AKT1: variants seen among roughly 807,000 people sequenced by gnomAD.
AKT1 encodes AKT serine/threonine kinase 1.
AKT1 carries 21 observed loss-of-function variants against 63.1 expected under a neutral mutation model. That is an observed-to-expected ratio of 0.33 (90% confidence interval 0.24 to 0.48). The LOEUF is 0.48. Ranked by LOEUF, AKT1 falls within the 20% of genes least tolerant of loss-of-function variation. AKT1 has a pLI of 0.99. For missense variants in AKT1, 382 were observed against 666.0 expected, an observed-to-expected ratio of 0.57 and a Z score of 4.69; for synonymous variants, 257 against 253.1, an observed-to-expected ratio of 1.02 and a Z score of -0.15.
In AKT1 at chr14:104,773,041, C is replaced by T. The variant is rs1247419183; in HGVS notation, c.1009G>A (p.Val337Met). The change falls in exon 12 of 15, where the codon GTG becomes ATG. Residue 337 changes from valine to methionine, a missense_variant. By Grantham distance (21) the Val-to-Met change is conservative. Coordinates refer to ENST00000649815, the MANE Select transcript of AKT1 (RefSeq NM_001382430.1). ...GRAVDWWGLGVVMYEMMCGRL... is the reference protein window; with the variant it reads ...GRAVDWWGLGMVMYEMMCGRL... Reference sequence around the variant, plus strand: ...CCGCACATCATCTCGTACATGACCACGCCCAGCCCCCACCAGTCCACTGCA... The same window carrying T: ...CCGCACATCATCTCGTACATGACCATGCCCAGCCCCCACCAGTCCACTGCA... The T allele has an allele frequency of 1.9e-6, 3 of 1,614,144 alleles. No homozygotes were observed. The highest frequency in any genetic ancestry group is 1.1e-5 in the South Asian group (1 of 91,086).
Position 104,781,296 on chromosome 14 carries a change from T to A in AKT1, c.47-1080A>T, listed in dbSNP as rs373464993. Among the ~76,000 whole-genome samples, 37 of 152,156 alleles carry A rather than the reference T, an allele frequency of 2.4e-4. No homozygotes were observed. In the South Asian group the frequency reaches 3.9e-3, roughly 16 times the overall value. ...GGTCCCTGAGCTCTGGGGCCTGGGT[T>A]TTCATGCCACACTGAGCCCCAGACA... On this transcript the variant is annotated intron_variant, in intron 3 of 14. Transcript: ENST00000649815.
intron 1 of AKT1, chr14:104,793,997 G>C (rs1195420949): frequency 1.3e-5 from 2 of 152,312 alleles, no homozygotes; most frequent in Non-Finnish European, 2.9e-5. Flanking sequence ...CTGGCCTCCC[G>C]AGGCAAGGGC....
rs181884913 is a variant in AKT1, at chr14:104,780,796, C to T, written c.47-580G>A. Reference sequence around the variant, plus strand: ...GGTCAGCACCACTCAGACTGAGGGCCGGGCTCGCGGGACAGGACTGCCCAC... The same window carrying T: ...GGTCAGCACCACTCAGACTGAGGGCTGGGCTCGCGGGACAGGACTGCCCAC... On this transcript the variant is annotated intron_variant, in intron 3 of 14. Transcript: ENST00000649815. Among the ~76,000 whole-genome samples the T allele has an allele frequency of 1.3e-3, 197 of 151,552 alleles. 1 individual carries two copies. Among genetic ancestry groups the T allele is most frequent in the Admixed American group, 0.01 (155 of 15,270 alleles).
intron 13 of AKT1, chr14:104,771,638 A>C (rs1488777474): frequency 4.3e-6 from 1 of 233,228 alleles, no homozygotes; most frequent in Non-Finnish European, 8.5e-6. Flanking sequence ...GCTGGGTCCC[A>C]GGGCTGCCCA....
rs1216988908 is a variant in AKT1 at position 104,769,361 on chromosome 14, C to T, written c.*980G>A. ...AGTGAGCCAAAAATTTGAAAAGCAA[C>T]TTTTATTGAAGAATTTGGAGGGAAG... On this transcript the variant is annotated 3_prime_UTR_variant, in exon 15 of 15. Transcript: ENST00000649815. 1 of 240,410 alleles carries T rather than the reference C, an allele frequency of 4.2e-6. No individual in the cohort carries two copies. 14.9% of individuals were successfully genotyped at this position (240,410 alleles called of 1,614,324 possible). A position where few individuals can be genotyped will look rare whatever the true frequency, so the allele number is the denominator to read the frequency against.
chr14:104,775,343 C>T, intron 6 of AKT1, 136 bp from the exon 7 acceptor site: 1 of 1,476,720 alleles, frequency 6.8e-7, no homozygotes, highest in Non-Finnish European at 9.0e-7. Context: ...TGGTGGCCTA[C>T]TGGGCTCAGC....
rs1000734126 is a variant in AKT1 at position 104,771,841 on chromosome 14, C to T, written c.1260+524G>A. On this transcript the variant is annotated intron_variant, in intron 13 of 14. Transcript: ENST00000649815. Reference sequence around the variant, plus strand: ...CCTGAAAGATGAGCACCCAGGATGGCGACTCATGCAGAAAGAGCTGCCTCC... The same window carrying T: ...CCTGAAAGATGAGCACCCAGGATGGTGACTCATGCAGAAAGAGCTGCCTCC... The T allele has an allele frequency of 3.1e-4, 74 of 239,352 alleles. 1 individual carries two copies. Among genetic ancestry groups the T allele is most frequent in the African/African-American group, 1.6e-3 (72 of 45,428 alleles). The allele number at this position is 239,352 out of a possible 1,614,324, so 14.8% of individuals were successfully genotyped here. A position where few individuals can be genotyped will look rare whatever the true frequency, so the allele number is the denominator to read the frequency against.
At chr14:104,787,582 C>G (rs983775959) in intron 3 of AKT1, among the ~76,000 whole-genome samples, 2 of 152,240 alleles carry the variant, frequency 1.3e-5, no homozygotes, top group African/African-American at 2.4e-5. Flanking sequence ...CGCTCAGCCT[C>G]GTGCAGGACT....
At chr14:104,785,066 G>A (rs61759789) in intron 3 of AKT1, among the ~76,000 whole-genome samples, 1,565 of 152,290 alleles carry the variant, frequency 0.01, 26 homozygotes, top group African/African-American at 0.036. Context: ...CCCTGGGAGC[G>A]GGCGCCAGCT....
rs73364521 is a variant in AKT1, at chr14:104,781,693, G to C, written c.47-1477C>G. Among the ~76,000 whole-genome samples, 882 of 152,288 alleles carry C rather than the reference G, an allele frequency of 5.8e-3. 8 individuals carry two copies. Among genetic ancestry groups the C allele is most frequent in the African/African-American group, 0.02 (820 of 41,570 alleles). Reference sequence around the variant, plus strand: ...ACCAGCCCTCTCTCTGCCCAAGCCAGGGCTGCTGGGGGGATGCTGGTGGAG... The same window carrying C: ...ACCAGCCCTCTCTCTGCCCAAGCCACGGCTGCTGGGGGGATGCTGGTGGAG... On this transcript the variant is annotated intron_variant, in intron 3 of 14. Transcript: ENST00000649815.
rs3001371 is a variant in AKT1, at chr14:104,776,494, C to T, written c.287+165G>A. On this transcript the variant is annotated intron_variant, in intron 5 of 14. Coordinates refer to ENST00000649815, the MANE Select transcript of AKT1 (RefSeq NM_001382430.1). ...CCTCAGTTTCCCCACCCAAACCCCA[C>T]AGGCAGGACTGGGCCAGTTTCCAAA... 195,852 of 575,708 alleles carry T rather than the reference C, an allele frequency of 0.34. 35,948 individuals are homozygous for T. Among genetic ancestry groups the T allele is most frequent in the East Asian group, 0.57 (18,515 of 32,426 alleles). The allele number at this position is 575,708 out of a possible 1,614,324, so 35.7% of individuals were successfully genotyped here.
At chr14:104,777,768 A>G (rs879390213) in intron 4 of AKT1, 5 of 985,146 alleles carry the variant, frequency 5.1e-6, no homozygotes, top group Non-Finnish European at 6.0e-6. Context: ...GGCAACCACA[A>G]GGGGGCCTGG....
chr14:104,792,295 C>T (rs1893666446), intron 3 of AKT1, among the ~76,000 whole-genome samples: 1 of 152,216 alleles, frequency 6.6e-6, no homozygotes, highest in Non-Finnish European at 1.5e-5. Context: ...AGCCCAGTGT[C>T]CTCGCTGCCT....
At position 104,770,690 on chromosome 14, in the gene AKT1, C is replaced by A; in HGVS notation, c.1363+55G>T. On this transcript the variant is annotated intron_variant, in intron 14 of 14. Coordinates refer to ENST00000649815, the MANE Select transcript of AKT1 (RefSeq NM_001382430.1). ...GCCAAAAAAGCTGAACACTGCAGGCCTCTCTGAGTGTGGAGAGAAAAGGGA... is the reference window on the plus strand; with the variant it reads ...GCCAAAAAAGCTGAACACTGCAGGCATCTCTGAGTGTGGAGAGAAAAGGGA... 4.9e-6 allele frequency: 7 copies of A among 1,440,432 alleles called. No homozygotes were observed. In the South Asian group the frequency reaches 8.3e-5, roughly 17 times the overall value. 89.2% of individuals were successfully genotyped at this position (1,440,432 alleles called of 1,614,324 possible). A position where few individuals can be genotyped will look rare whatever the true frequency, so the allele number is the denominator to read the frequency against.
intron 13 of AKT1, 119 bp downstream of exon 13, chr14:104,772,246 A>G (rs959843483): frequency 1.4e-5 from 15 of 1,091,566 alleles, no homozygotes; most frequent in South Asian, 2.8e-5. Flanking sequence ...CCAGGACTGC[A>G]GCAGGCTCCT....
intron 4 of AKT1, chr14:104,778,192 A>C (rs1892840731): frequency 6.6e-6 from 1 of 151,958 alleles, no homozygotes; most frequent in African/African-American, 2.4e-5. Flanking sequence ...GTTCCTTCCC[A>C]ATGCCTCGGC....
chr14:104,769,630 T>G lies in AKT1; in HGVS notation c.*711A>C. On this transcript the variant is annotated 3_prime_UTR_variant, in exon 15 of 15. Coordinates refer to ENST00000649815, the MANE Select transcript of AKT1 (RefSeq NM_001382430.1). ...CCGGTGGGACAGTCACCAAGAACTGTGACACAGAAGGGGAAGGGGGAGGGC... is the reference window on the plus strand; with the variant it reads ...CCGGTGGGACAGTCACCAAGAACTGGGACACAGAAGGGGAAGGGGGAGGGC... 1 of 514,256 alleles carries G rather than the reference T, an allele frequency of 1.9e-6. No homozygotes were observed. Among genetic ancestry groups the G allele is most frequent in the East Asian group, 4.1e-5 (1 of 24,424 alleles). 31.9% of individuals were successfully genotyped at this position (514,256 alleles called of 1,614,324 possible). A position where few individuals can be genotyped will look rare whatever the true frequency, so the allele number is the denominator to read the frequency against.
chr14:104,772,132 G>A (rs1193650627), intron 13 of AKT1: 2 of 594,260 alleles, frequency 3.4e-6, no homozygotes, highest in Admixed American at 2.9e-5. Context: ...CACCTCCGAG[G>A]GGAGGAGGAA....
At chr14:104,787,106 A>G (rs1448420021) in intron 3 of AKT1, among the ~76,000 whole-genome samples, 1 of 152,142 alleles carries the variant, frequency 6.6e-6, no homozygotes. Context: ...CCCACCCCAA[A>G]GCCCGCAACA....
Sources: allele counts gnomAD v4.1 joint callset (sites outside exome capture counted in the v4.1 genomes callset), GRCh38; gene constraint gnomAD v4.1.1; transcripts MANE v1.5; gene names NCBI Gene and HGNC (gene_info 2026-07-23, HGNC 2026-07-21).